The following DOCK9 variants were observed in gnomAD, a reference collection of about 807,000 sequenced individuals.
The protein encoded by DOCK9 is dedicator of cytokinesis protein 9.
Under a neutral mutation model 263.3 loss-of-function variants are expected in DOCK9, and 89 were observed. The observed-to-expected ratio is 0.34, with a 90% CI of 0.28 to 0.40. The LOEUF is 0.40. Ranked by LOEUF, DOCK9 falls within the 10% of genes least tolerant of loss-of-function variation. DOCK9 has a pLI of 1.00. For missense variants in DOCK9, 2,140 were observed against 2,603.4 expected (o/e 0.82, Z 3.87); for synonymous variants, 976 against 973.1 (o/e 1.00, Z -0.06).
At chr13:99,002,503 G>A (rs1216872427) in intron 1 of DOCK9, among the ~76,000 whole-genome samples, 1 of 152,170 alleles carries the variant, frequency 6.6e-6, no homozygotes, top group African/African-American at 2.4e-5. Flanking sequence ...TTCAAACCCA[G>A]CTCAGGTGTC....
At chr13:98,985,078 G>T (rs1054232561) in intron 1 of DOCK9, among the ~76,000 whole-genome samples, 1 of 141,292 alleles carries the variant, frequency 7.1e-6, no homozygotes, top group Non-Finnish European at 1.5e-5. Flanking sequence ...GGGCAGGGGG[G>T]TGGGCAGTTG....
chr13:98,857,320 A>C (rs1436642764), intron 33 of DOCK9: 1 of 152,244 alleles, frequency 6.6e-6, no homozygotes, highest in Admixed American at 6.5e-5. Flanking sequence ...GATACTTCTA[A>C]GTTAAAAAAT....
At chr13:98,862,192 G>A (rs546006459) in intron 32 of DOCK9, among the ~76,000 whole-genome samples, 5 of 152,314 alleles carry the variant, frequency 3.3e-5, no homozygotes, top group Middle Eastern at 3.4e-3. Context: ...AGCCAGAAAT[G>A]CAACTTACCA....
Position 98,848,606 on chromosome 13 carries a change from C to A in DOCK9, c.4047G>T (p.Lys1349Asn). Residue 1349 changes from lysine (K) to asparagine (N), a missense_variant, in exon 37 of 53, where the codon AAG becomes AAT. Coordinates refer to ENST00000682017, the MANE Select transcript of DOCK9 (RefSeq NM_001366683.2). ...CCCCACAGTACCTGGCTATGTATCG[C>A]TTCCCCATGTACTGGAACTGGTGCA... ...VCLHQFQYMG[K>N]RYIARNQEGL... The A allele has an allele frequency of 6.2e-7, 1 of 1,612,424 alleles. No homozygotes were observed. Among genetic ancestry groups the A allele is most frequent in the South Asian group, 1.1e-5 (1 of 90,260 alleles).
intron 1 of DOCK9, among the ~76,000 whole-genome samples, chr13:98,971,645 T>C (rs967726675): frequency 6.6e-6 from 1 of 151,958 alleles, no homozygotes; most frequent in African/African-American, 2.4e-5. Context: ...AAGGCGGACC[T>C]TGCAGTGAAC....
intron 9 of DOCK9, among the ~76,000 whole-genome samples, chr13:98,909,692 C>G (rs2049705352): frequency 1.3e-5 from 2 of 152,180 alleles, no homozygotes; most frequent in South Asian, 4.1e-4. Flanking sequence ...CAAGCCTAGC[C>G]AGCTCCTTTG....
chr13:98,801,975 T>C (rs548334315), intron 49 of DOCK9, among the ~76,000 whole-genome samples: 2 of 152,340 alleles, frequency 1.3e-5, no homozygotes, highest in South Asian at 4.1e-4. Context: ...TTTCACAGAT[T>C]TTAAGTGGTA....
Position 98,884,014 on chromosome 13 carries a change from A to G in DOCK9, c.2383-115T>C, listed in dbSNP as rs2045284319. Reference sequence around the variant, plus strand: ...AAAGAGGGCCCAGAGAACTTTAGTGACTTGGCGACTGTGCCGGGCCCATGG... The same window carrying G: ...AAAGAGGGCCCAGAGAACTTTAGTGGCTTGGCGACTGTGCCGGGCCCATGG... On this transcript the variant is annotated intron_variant, in intron 21 of 52. Coordinates refer to ENST00000682017, the MANE Select transcript of DOCK9 (RefSeq NM_001366683.2). The G allele has an allele frequency of 4.2e-6, 3 of 714,520 alleles. No individual in the cohort carries two copies. The East Asian group carries it at 8.3e-5, about 20-fold the overall frequency. The allele number at this position is 714,520 out of a possible 1,614,324, so 44.3% of individuals were successfully genotyped here. A position where few individuals can be genotyped will look rare whatever the true frequency, so the allele number is the denominator to read the frequency against.
At position 98,829,742 on chromosome 13, in the gene DOCK9, G is replaced by C. The variant is rs1401322543; in HGVS notation, c.4650C>G (p.Val1550=). 6.2e-7 allele frequency: 1 copy of C among 1,606,222 alleles called. No homozygotes were observed. Among genetic ancestry groups the C allele is most frequent in the Admixed American group, 1.7e-5 (1 of 59,124 alleles). Residue 1550 remains valine, a synonymous_variant, in exon 42 of 53, where the codon GTC becomes GTG. Coordinates refer to ENST00000682017, the MANE Select transcript of DOCK9 (RefSeq NM_001366683.2). The surrounding 1 kb of genome is among the most constrained non-coding windows in gnomAD (Gnocchi z 4.1). ...CAACAACGTCTGCTATCAGCTGGCT[G>C]ACAGATATGATGACCTTAGGGACAC... ...VRTHLQVIIS[V]SQLIADVVGI... is the part of the protein sequence containing the mutation.
rs545966078 is a variant in DOCK9, at chr13:99,001,154, C to T, written c.130-45603G>A. Among the ~76,000 whole-genome samples the T allele has an allele frequency of 2.6e-4, 40 of 152,340 alleles. No individual in the cohort carries two copies. In the South Asian group the frequency reaches 7.9e-3, roughly 30 times the overall value. On this transcript the variant is annotated intron_variant, in intron 1 of 32. Transcript: ENST00000427887. ...GGTTCTCTTCTCCACTCCCATCTAC[C>T]GAACTCACTTCGCAAGTAGTAAAGG... is the stretch of plus-strand genomic sequence containing the variant.
At chr13:98,824,128 A>C (rs1453574610) in intron 45 of DOCK9, among the ~76,000 whole-genome samples, 1 of 152,254 alleles carries the variant, frequency 6.6e-6, no homozygotes, top group Non-Finnish European at 1.5e-5. Flanking sequence ...TGGAACTTTT[A>C]CCGGATGTGC....
intron 20 of DOCK9, chr13:98,885,377 G>C: frequency 1.9e-6 from 1 of 526,366 alleles, no homozygotes; most frequent in East Asian, 4.1e-5. Context: ...GCAGAGGTGG[G>C]CAGACTGCTT....
chr13:98,813,984 A>C (rs1369791026), intron 45 of DOCK9, among the ~76,000 whole-genome samples: 2 of 152,194 alleles, frequency 1.3e-5, no homozygotes, highest in Non-Finnish European at 2.9e-5. Flanking sequence ...GTTGCTTTTG[A>C]AAATGTTTAT....
At chr13:98,936,110 C>T (rs2054778444) in intron 2 of DOCK9, among the ~76,000 whole-genome samples, 1 of 152,144 alleles carries the variant, frequency 6.6e-6, no homozygotes, top group Admixed American at 6.5e-5. Context: ...TTCCCCTGAG[C>T]CTGAAACACT....
chr13:99,022,270 C>T (rs1886211195), intron 1 of DOCK9, among the ~76,000 whole-genome samples: 1 of 152,152 alleles, frequency 6.6e-6, no homozygotes, highest in Non-Finnish European at 1.5e-5. Context: ...CAAGGCTGTA[C>T]TCCTTCTGCC....
intron 1 of DOCK9, among the ~76,000 whole-genome samples, chr13:98,983,186 T>C (rs144434965): frequency 2.3e-3 from 356 of 152,328 alleles, no homozygotes; most frequent in African/African-American, 7.9e-3. Flanking sequence ...TTGTGTATAC[T>C]CCAAAGTTAT....
intron 1 of DOCK9, among the ~76,000 whole-genome samples, chr13:98,972,140 A>C (rs1469926297): frequency 6.6e-6 from 1 of 152,246 alleles, no homozygotes; most frequent in East Asian, 1.9e-4. Context: ...GAGCAAGAGG[A>C]AACTGTGCTC....
chr13:98,924,817 G>C (rs1300252637), intron 4 of DOCK9, among the ~76,000 whole-genome samples: 1 of 152,088 alleles, frequency 6.6e-6, no homozygotes, highest in Non-Finnish European at 1.5e-5. Flanking sequence ...CAGAAGCTGA[G>C]CAGAAGCCAG....
intron 1 of DOCK9, among the ~76,000 whole-genome samples, chr13:98,971,430 G>A (rs545094233): frequency 7.9e-5 from 12 of 152,230 alleles, no homozygotes; most frequent in Non-Finnish European, 1.2e-4. Flanking sequence ...AATAGGGGCC[G>A]GGCGCGGTGG....
Sources: allele counts gnomAD v4.1 joint callset (sites outside exome capture counted in the v4.1 genomes callset), GRCh38; gene constraint gnomAD v4.1.1; non-coding constraint Gnocchi (gnomAD v3.1); transcripts MANE v1.5; gene names NCBI Gene and HGNC (gene_info 2026-07-23, HGNC 2026-07-21).